PCSK5: variants seen among roughly 807,000 people sequenced by gnomAD.
PCSK5 encodes the protein prohormone convertase 5.
A neutral mutation model predicts 233.2 loss-of-function variants in PCSK5; 129 were observed. The observed-to-expected ratio is 0.55, with a 90% CI of 0.48 to 0.64. The LOEUF (loss-of-function observed/expected upper bound fraction) is 0.64. Ranked by LOEUF, PCSK5 falls within the 30% of genes least tolerant of loss-of-function variation. The pLI is 0.00. For missense variants in PCSK5, 2,076 were observed against 2,430.1 expected (o/e 0.85, Z 3.06); for synonymous variants, 825 against 879.2 (o/e 0.94, Z 1.09).
At chr9:76,351,057 G>A (rs951070524) in intron 36 of PCSK5, 129 bp downstream of exon 36, 9 of 582,660 alleles carry the variant, frequency 1.5e-5, no homozygotes, top group Non-Finnish European at 2.7e-5. Context: ...TGTATGTTTA[G>A]TATTTTAAAA....
intron 2 of PCSK5, among the ~76,000 whole-genome samples, chr9:75,975,123 T>A (rs551985335): frequency 7.9e-5 from 12 of 152,110 alleles, no homozygotes; most frequent in African/African-American, 2.4e-4. Context: ...AAGCGCAAAA[T>A]GGATGAAATG....
At chr9:75,945,065 C>T (rs1037175825) in intron 2 of PCSK5, among the ~76,000 whole-genome samples, 2 of 151,926 alleles carry the variant, frequency 1.3e-5, no homozygotes, top group South Asian at 4.2e-4. Context: ...GCCGAGATCA[C>T]ACCACTGCAC....
intron 17 of PCSK5, among the ~76,000 whole-genome samples, 192 bp downstream of exon 17, chr9:76,184,949 G>A (rs566219457): frequency 6.6e-6 from 1 of 152,288 alleles, no homozygotes; most frequent in Admixed American, 6.5e-5. Context: ...TGCTGTGTTG[G>A]CTAAAGAAGG....
intron 37 of PCSK5, among the ~76,000 whole-genome samples, chr9:76,354,787 T>A (rs192560346): frequency 2.4e-4 from 36 of 152,106 alleles, no homozygotes; most frequent in East Asian, 3.9e-4. Flanking sequence ...AATTTTTTTT[T>A]AAAAAATGGT....
intron 2 of PCSK5, among the ~76,000 whole-genome samples, chr9:75,957,500 C>T (rs1050887722): frequency 6.6e-6 from 1 of 151,648 alleles, no homozygotes; most frequent in African/African-American, 2.4e-5. Context: ...GAAGTTGTCA[C>T]TAAGAAAAAA....
intron 5 of PCSK5, among the ~76,000 whole-genome samples, chr9:76,064,215 G>A (rs1405537128): frequency 8.7e-5 from 10 of 115,088 alleles, no homozygotes; most frequent in Non-Finnish European, 1.0e-4. Flanking sequence ...CGGACGGGGC[G>A]GCTGGCCGGG....
chr9:76,356,834 G>A (rs962990850), intron 37 of PCSK5, among the ~76,000 whole-genome samples: 1 of 152,164 alleles, frequency 6.6e-6, no homozygotes, highest in African/African-American at 2.4e-5. Flanking sequence ...TATCTAGAAT[G>A]AATATACCTA....
At chr9:75,908,929 ATCTCTCTC>A (rs796708467) in intron 1 of PCSK5, among the ~76,000 whole-genome samples, 18 of 101,852 alleles carry the variant, frequency 1.8e-4, no homozygotes, top group Admixed American at 3.1e-4. Context: ...CTATCTCTCT[ATCTCTCTC>A]TCTGTCTATC....
intron 10 of PCSK5, among the ~76,000 whole-genome samples, chr9:76,151,026 A>G (rs1217647405): frequency 6.7e-6 from 1 of 148,788 alleles, no homozygotes; most frequent in African/African-American, 2.5e-5. Context: ...AAAAAAAACT[A>G]TACTTAGGTG....
chr9:75,965,457 T>C (rs1161072594), intron 2 of PCSK5, among the ~76,000 whole-genome samples: 3 of 152,182 alleles, frequency 2.0e-5, no homozygotes, highest in Non-Finnish European at 2.9e-5. Context: ...GAGCCACTGA[T>C]GGAAATCCCA....
chr9:75,923,712 T>C (rs1823354213), intron 1 of PCSK5, among the ~76,000 whole-genome samples: 1 of 152,164 alleles, frequency 6.6e-6, no homozygotes, highest in Non-Finnish European at 1.5e-5. Flanking sequence ...GCAAATTTAT[T>C]AACTTGCAAT....
intron 37 of PCSK5, among the ~76,000 whole-genome samples, chr9:76,355,366 A>T (rs1055887532): frequency 6.6e-6 from 1 of 152,098 alleles, no homozygotes; most frequent in Non-Finnish European, 1.5e-5. Context: ...CCAGCTACTC[A>T]GGAGGCTGAG....
intron 24 of PCSK5, among the ~76,000 whole-genome samples, chr9:76,248,096 A>T (rs58310655): frequency 0.061 from 9,291 of 152,016 alleles, 347 homozygotes; most frequent in African/African-American, 0.098. Flanking sequence ...AATCTTTTTT[A>T]AAAAAATTTT....
intron 31 of PCSK5, 50 bp downstream of exon 31, chr9:76,321,689 T>TG (rs1230797060): frequency 8.2e-7 from 1 of 1,216,676 alleles, no homozygotes; most frequent in African/African-American, 1.5e-5. Context: ...AGCCACCAGT[T>TG]GGGGGCCGAT....
chr9:76,027,171 C>T (rs1029198864), intron 5 of PCSK5, 134 bp downstream of exon 5: 1 of 583,480 alleles, frequency 1.7e-6, no homozygotes, highest in African/African-American at 1.9e-5. Flanking sequence ...TAACAAGTGT[C>T]TTTCCACTGA....
At chr9:76,313,894 A>C (rs1828941195) in intron 30 of PCSK5, among the ~76,000 whole-genome samples, 1 of 151,984 alleles carries the variant, frequency 6.6e-6, no homozygotes, top group Non-Finnish European at 1.5e-5. Context: ...GGAAACTCCC[A>C]GTCCTCCTCC....
At chr9:76,005,314 G>T (rs1017573189) in intron 3 of PCSK5, among the ~76,000 whole-genome samples, 1 of 151,960 alleles carries the variant, frequency 6.6e-6, no homozygotes, top group Non-Finnish European at 1.5e-5. Context: ...AATACAGTTA[G>T]GTTAATTTTC....
intron 3 of PCSK5, among the ~76,000 whole-genome samples, chr9:75,995,453 T>C (rs1826970777): frequency 6.6e-6 from 1 of 152,212 alleles, no homozygotes; most frequent in Admixed American, 6.5e-5. Flanking sequence ...TTAACTTCAA[T>C]AAACTGCCAG....
At chr9:76,108,132 T>C (rs4744780) in intron 9 of PCSK5, among the ~76,000 whole-genome samples, 38,153 of 152,102 alleles carry the variant, frequency 0.25, 5,032 homozygotes, top group East Asian at 0.37. Flanking sequence ...ATTCATGTAT[T>C]TGATTGTGAA....
Sources: gnomAD v4.1 joint callset for allele counts (sites outside exome capture counted in the v4.1 genomes callset) on GRCh38, gnomAD v4.1.1 for gene constraint, MANE v1.5 for transcripts, NCBI Gene and HGNC (gene_info 2026-07-23, HGNC 2026-07-21) for gene names.